The following GLYR1 variants were observed in gnomAD, a reference collection of about 807,000 sequenced individuals.
GLYR1 encodes cytokine-like nuclear factor N-PAC.
Under a neutral mutation model 72.7 loss-of-function variants are expected in GLYR1, and 21 were observed. The ratio of observed to expected loss-of-function variants is 0.29; its 90% confidence interval spans 0.20 to 0.42. The LOEUF (loss-of-function observed/expected upper bound fraction) is 0.42. Ranked by LOEUF, GLYR1 falls within the 10% of genes least tolerant of loss-of-function variation. The pLI, the probability that GLYR1 is intolerant of heterozygous loss-of-function variation, is 1.00. For synonymous variants in GLYR1, 392 were observed against 270.2 expected (o/e 1.45, Z -4.42); for missense variants, 594 against 712.1 (o/e 0.83, Z 1.89).
chr16:4,820,177 C>T (rs574905180), intron 9 of GLYR1, among the ~76,000 whole-genome samples: 1 of 152,172 alleles, frequency 6.6e-6, no homozygotes, highest in African/African-American at 2.4e-5. Context: ...TTTGTAGAGA[C>T]AGGGTTTCAC....
chr16:4,824,016 C>A, intron 5 of GLYR1, 109 bp from the exon 6 acceptor site: 1 of 765,966 alleles, frequency 1.3e-6, no homozygotes, highest in South Asian at 1.7e-5. Flanking sequence ...AACCACTGTT[C>A]TGATGACCGT....
At chr16:4,823,719 A>C (rs2084191272) in intron 6 of GLYR1, 102 bp downstream of exon 6, 1 of 880,292 alleles carries the variant, frequency 1.1e-6, no homozygotes, top group African/African-American at 1.7e-5. Context: ...ATAATAAATT[A>C]AGCCTCACAC....
chr16:4,841,464 A>T, intron 3 of GLYR1, among the ~76,000 whole-genome samples: 1 of 140,620 alleles, frequency 7.1e-6, no homozygotes, highest in African/African-American at 2.8e-5. Flanking sequence ...CTACAAAAAA[A>T]AAAAAAAAAA....
intron 3 of GLYR1, among the ~76,000 whole-genome samples, chr16:4,837,126 T>C (rs1457746085): frequency 2.6e-5 from 4 of 152,218 alleles, no homozygotes; most frequent in Non-Finnish European, 5.9e-5. Flanking sequence ...CTGATTTGCT[T>C]TCCTCTTAAA....
chr16:4,822,808 G>A, intron 7 of GLYR1, 67 bp downstream of exon 7: 1 of 1,337,288 alleles, frequency 7.5e-7, no homozygotes, highest in Non-Finnish European at 1.1e-6. Context: ...GCCAGGCCAG[G>A]ACCCAGTGGA....
At chr16:4,818,839 C>T (rs1169145405) in intron 9 of GLYR1, among the ~76,000 whole-genome samples, 1 of 152,164 alleles carries the variant, frequency 6.6e-6, no homozygotes, top group Non-Finnish European at 1.5e-5. Flanking sequence ...TCCTTCTCCC[C>T]ATGCCTGCCT....
rs866073123 is a variant in GLYR1, at chr16:4,823,828, G to A, written c.617C>T (p.Ala206Val). 4 of 1,613,318 alleles carry A rather than the reference G, an allele frequency of 2.5e-6. No homozygotes were observed. Among genetic ancestry groups the A allele is most frequent in the Middle Eastern group, 1.7e-4 (1 of 6,050 alleles). ...TGCAGGAGAGCTCCTTACCTCGCTT[G>A]CGGTTGGCTGCCATTTAAACGCGGC... Reference protein sequence around the residue: ...PMAAFKWQPTASEPVKDADPH... With the variant: ...PMAAFKWQPTVSEPVKDADPH... Residue 206 changes from alanine (A) to valine (V), a missense_variant, in exon 6 of 16, where the codon GCA becomes GTA. Coordinates refer to ENST00000321919, the MANE Select transcript of GLYR1 (RefSeq NM_032569.4).
At chr16:4,805,428 C>A in intron 15 of GLYR1, 118 bp from the exon 16 acceptor site, 1 of 813,526 alleles carries the variant, frequency 1.2e-6, no homozygotes, top group South Asian at 1.5e-5. Context: ...CCAGGCTGTC[C>A]GGTTAGGAAT....
chr16:4,835,255 G>C (rs1225448221), intron 3 of GLYR1, among the ~76,000 whole-genome samples: 1 of 152,120 alleles, frequency 6.6e-6, no homozygotes, highest in Non-Finnish European at 1.5e-5. Context: ...GAACAGAAAG[G>C]TGAGGATGTC....
chr16:4,807,178 C>G (rs896699432), intron 15 of GLYR1, among the ~76,000 whole-genome samples: 1 of 143,578 alleles, frequency 7.0e-6, no homozygotes, highest in Non-Finnish European at 1.5e-5. Context: ...ATGGCACGAT[C>G]TCGGCTCACT....
At chr16:4,842,263 C>T (rs144265582) in intron 3 of GLYR1, among the ~76,000 whole-genome samples, 1 of 149,326 alleles carries the variant, frequency 6.7e-6, no homozygotes, top group East Asian at 2.0e-4. Flanking sequence ...AAAACAACAA[C>T]AAAAAAAAAC....
At chr16:4,840,955 C>T (rs1312839405) in intron 3 of GLYR1, among the ~76,000 whole-genome samples, 1 of 152,192 alleles carries the variant, frequency 6.6e-6, no homozygotes, top group African/African-American at 2.4e-5. Flanking sequence ...CATCTTTACC[C>T]TTTATTTCCT....
At position 4,813,823 on chromosome 16, in the gene GLYR1, TG is replaced by T; in HGVS notation, c.1032del (p.Ser345ValfsTer30). ...PKAAKDLVLG[P>X]SGVLQGIRPG... ...GGGCGGATCCCTTGCAGCACACCAC[TG>T]GGGCCCAGCACCAGCTGTGGGGACA... On this transcript the variant is annotated frameshift_variant, in exon 12 of 16. Coordinates refer to ENST00000321919, the MANE Select transcript of GLYR1 (RefSeq NM_032569.4). LOFTEE classifies it high-confidence loss of function. 6.2e-7 allele frequency: 1 copy of T among 1,611,878 alleles called. No homozygotes were observed.
At chr16:4,846,026 T>C (rs1044098706) in intron 2 of GLYR1, 148 bp downstream of exon 2, 1 of 784,314 alleles carries the variant, frequency 1.3e-6, no homozygotes, top group African/African-American at 1.7e-5. Context: ...TTTTAAAAAA[T>C]AACCGATACT....
At chr16:4,810,699 TAAAAAAAAAAAAAAAAAAAAAAAAAA>T (rs551202037) in intron 15 of GLYR1, among the ~76,000 whole-genome samples, 1 of 21,814 alleles carries the variant, frequency 4.6e-5, no homozygotes, top group Admixed American at 6.9e-4. Context: ...CTGTCTCTAC[TAAAAAAAAAAAAAAAAAAAAAAAAAA>T]AAAAAAAATT....
At chr16:4,809,054 A>C (rs1384094225) in intron 15 of GLYR1, among the ~76,000 whole-genome samples, 1 of 152,214 alleles carries the variant, frequency 6.6e-6, no homozygotes, top group Admixed American at 6.5e-5. Flanking sequence ...ATACTGTCAA[A>C]ATGGATAAAA....
intron 1 of GLYR1, chr16:4,846,995 C>A (rs967624643): frequency 3.6e-6 from 2 of 550,240 alleles, no homozygotes; most frequent in African/African-American, 2.0e-5. Flanking sequence ...AGACCCCACC[C>A]GGCCGGCCTC....
intron 9 of GLYR1, among the ~76,000 whole-genome samples, chr16:4,818,953 A>G (rs979473303): frequency 6.6e-6 from 1 of 151,910 alleles, no homozygotes; most frequent in East Asian, 1.9e-4. Context: ...ACACATTCAC[A>G]TACTCCGCCT....
chr16:4,844,088 TG>T (rs1264723796), intron 3 of GLYR1, among the ~76,000 whole-genome samples: 2 of 135,684 alleles, frequency 1.5e-5, no homozygotes, highest in Admixed American at 8.3e-5. Context: ...CACTCCAGCC[TG>T]GGTGACAGAG....
Sources: allele counts gnomAD v4.1 joint callset (sites outside exome capture counted in the v4.1 genomes callset), GRCh38; gene constraint gnomAD v4.1.1; transcripts MANE v1.5; gene names NCBI Gene and HGNC (gene_info 2026-07-23, HGNC 2026-07-21).